Variants in CEP85L observed in about 807,000 individuals in gnomAD.
CEP85L encodes centrosomal protein 85L.
Under a neutral mutation model 100.3 loss-of-function variants are expected in CEP85L, and 60 were observed. The observed-to-expected ratio is 0.60, with a 90% confidence interval of 0.49 to 0.74. CEP85L has a LOEUF of 0.74. CEP85L is among the 30% of genes least tolerant of loss of function. CEP85L has a pLI of 0.00. For synonymous variants in CEP85L, 319 were observed against 322.7 expected (o/e 0.99, Z 0.12); for missense variants, 973 against 936.2 (o/e 1.04, Z -0.51).
chr6:118,547,975 C>T (rs1404264055), intron 3 of CEP85L, among the ~76,000 whole-genome samples: 1 of 152,050 alleles, frequency 6.6e-6, no homozygotes, highest in African/African-American at 2.4e-5. Flanking sequence ...CCTGCAGTAA[C>T]TATTTTAGCT....
chr6:118,462,220 T>C lies in CEP85L; in HGVS notation c.*3185A>G, dbSNP rs1048653736. 3.9e-5 allele frequency: 6 copies of C among 152,034 alleles called. No individual in the cohort carries two copies. Among genetic ancestry groups the C allele is most frequent in the African/African-American group, 1.2e-4 (5 of 41,444 alleles). 9.4% of individuals were successfully genotyped at this position (152,034 alleles called of 1,614,324 possible). ...AATAAATTTCACTAAAATATAATAC[T>C]GTTAGCATTAAATATTGAATCCTAG... On this transcript the variant is annotated 3_prime_UTR_variant, in exon 13 of 13. Coordinates refer to ENST00000368491, the MANE Select transcript of CEP85L (RefSeq NM_001042475.3).
chr6:118,668,981 G>T (rs1776214236), intron 1 of CEP85L, among the ~76,000 whole-genome samples: 1 of 152,176 alleles, frequency 6.6e-6, no homozygotes, highest in Non-Finnish European at 1.5e-5. Context: ...GAGCTGATTT[G>T]CAGAAGTAAA....
upstream of CEP85L, among the ~76,000 whole-genome samples, chr6:118,652,090 T>C (rs879890980): frequency 3.9e-5 from 6 of 152,164 alleles, no homozygotes; most frequent in Non-Finnish European, 7.3e-5. Flanking sequence ...CCTTTACTAA[T>C]TTAATGGGGG....
intron 2 of CEP85L, among the ~76,000 whole-genome samples, chr6:118,600,300 G>GTGGGTGGGTGTGTGTGTGT (rs1554228039): frequency 3.8e-5 from 2 of 52,236 alleles, no homozygotes; most frequent in African/African-American, 1.4e-4. Context: ...CCTTCCTGGG[G>GTGGGTGGGTGTGTGTGTGT]GTGTGTGTGT....
At chr6:118,651,621 G>A (rs563042272), upstream of CEP85L, 6 of 1,050,754 alleles carry the variant, frequency 5.7e-6, no homozygotes, top group Non-Finnish European at 4.6e-6. Flanking sequence ...AGCCAGAGCC[G>A]GGGCTGGGGC....
At position 118,465,354 on chromosome 6, in the gene CEP85L, C is replaced by G; in HGVS notation, c.*51G>C. Reference sequence around the variant, plus strand: ...GCAACCTTCCATTATGGCTCCATAACACAGCAGCATTTAAACAACAGGTCA... The same window carrying G: ...GCAACCTTCCATTATGGCTCCATAAGACAGCAGCATTTAAACAACAGGTCA... On this transcript the variant is annotated 3_prime_UTR_variant, in exon 13 of 13. Transcript: ENST00000368491. 26 of 1,563,846 alleles carry G rather than the reference C, an allele frequency of 1.7e-5. No individual in the cohort carries two copies. The highest frequency in any genetic ancestry group is 2.1e-5 in the Non-Finnish European group (24 of 1,146,700).
chr6:118,465,307 C>T lies in CEP85L; in HGVS notation c.*98G>A, dbSNP rs974928459. The stretch of plus-strand genomic sequence containing the variant: ...AAACAAATCCACAGAAAAAAAATCC[C>T]TAAGTGCAAGTCATGTCACTTGCAA... On this transcript the variant is annotated 3_prime_UTR_variant, in exon 13 of 13. Transcript: ENST00000368491. The T allele has an allele frequency of 5.3e-6, 6 of 1,139,318 alleles. No individual in the cohort carries two copies. Among genetic ancestry groups the T allele is most frequent in the Non-Finnish European group, 7.2e-6 (6 of 833,916 alleles). 70.6% of individuals were successfully genotyped at this position (1,139,318 alleles called of 1,614,324 possible). A position where few individuals can be genotyped will look rare whatever the true frequency, so the allele number is the denominator to read the frequency against.
At chr6:118,636,439 A>C (rs1774496258) in intron 1 of CEP85L, among the ~76,000 whole-genome samples, 1 of 143,492 alleles carries the variant, frequency 7.0e-6, no homozygotes, top group Admixed American at 6.7e-5. Flanking sequence ...AAATGATCTC[A>C]GTTTATCCAT....
At chr6:118,667,809 T>A (rs574356108) in intron 1 of CEP85L, among the ~76,000 whole-genome samples, 5 of 152,298 alleles carry the variant, frequency 3.3e-5, no homozygotes, top group Admixed American at 1.3e-4. Context: ...ACTGTGTGTC[T>A]GGAGAGCATG....
At chr6:118,592,982 G>T (rs1390482081) in intron 2 of CEP85L, among the ~76,000 whole-genome samples, 1 of 146,630 alleles carries the variant, frequency 6.8e-6, no homozygotes, top group Non-Finnish European at 1.5e-5. Context: ...AAAAGAAAAA[G>T]ATAGTGAGAA....
upstream of CEP85L, among the ~76,000 whole-genome samples, chr6:118,655,584 G>A (rs1325778333): frequency 2.0e-5 from 3 of 152,326 alleles, no homozygotes; most frequent in East Asian, 3.9e-4. Flanking sequence ...TAAATAGAAG[G>A]TTGGAAGTGT....
At chr6:118,568,746 G>T (rs894647061) in intron 2 of CEP85L, among the ~76,000 whole-genome samples, 2 of 152,130 alleles carry the variant, frequency 1.3e-5, no homozygotes, top group Non-Finnish European at 2.9e-5. Flanking sequence ...GACTATTCTG[G>T]TAATCAGGAG....
At chr6:118,613,218 A>G (rs943441019) in intron 2 of CEP85L, among the ~76,000 whole-genome samples, 4 of 152,054 alleles carry the variant, frequency 2.6e-5, no homozygotes, top group Admixed American at 2.6e-4. Flanking sequence ...TCTCGAAAAA[A>G]AGAAAGAAAA....
chr6:118,577,188 A>G (rs1583091416), intron 2 of CEP85L, among the ~76,000 whole-genome samples: 1 of 152,242 alleles, frequency 6.6e-6, no homozygotes, highest in East Asian at 1.9e-4. Context: ...TGGGAGTCTA[A>G]TGGGATGCAG....
intron 1 of CEP85L, among the ~76,000 whole-genome samples, chr6:118,683,958 C>T (rs1214859290): frequency 6.6e-6 from 1 of 152,082 alleles, no homozygotes; most frequent in East Asian, 1.9e-4. Flanking sequence ...ACTGACTTTT[C>T]TTTCAAAAAA....
chr6:118,470,770 G>A, intron 10 of CEP85L, 126 bp from the exon 11 acceptor site: 6 of 478,904 alleles, frequency 1.3e-5, no homozygotes, highest in Non-Finnish European at 2.2e-5. Flanking sequence ...CCCCTTGGAA[G>A]ATGAAGCCTT....
Position 118,565,604 on chromosome 6 carries a change from C to T in CEP85L, c.945G>A (p.Glu315=), listed in dbSNP as rs769165496. 6.2e-7 allele frequency: 1 copy of T among 1,614,158 alleles called. No homozygotes were observed. The highest frequency in any genetic ancestry group is 1.6e-4 in the Middle Eastern group (1 of 6,062). ...RTNPLEGRNT[E]DSYSLAPWQQ... is the part of the protein sequence containing the mutation. The stretch of plus-strand genomic sequence containing the variant: ...GCCAAGGAGCTAAACTGTAAGAATC[C>T]TCTGTATTTCTACCTTCCAAAGGAT... Residue 315 remains glutamate, a synonymous_variant, in exon 3 of 13, where the codon GAG becomes GAA. Coordinates refer to ENST00000368491, the MANE Select transcript of CEP85L (RefSeq NM_001042475.3).
intron 5 of CEP85L, chr6:118,501,531 C>A: frequency 6.1e-6 from 3 of 495,222 alleles, no homozygotes; most frequent in South Asian, 3.1e-5. Flanking sequence ...ATTAAACACC[C>A]AATGGATCTC....
chr6:118,614,906 A>AGATG (rs1159400893), intron 2 of CEP85L, among the ~76,000 whole-genome samples: 1 of 150,548 alleles, frequency 6.6e-6, no homozygotes, highest in African/African-American at 2.5e-5. Context: ...ATAGATAGAT[A>AGATG]GATTTTTTTA....
Sources: allele counts gnomAD v4.1 joint callset (sites outside exome capture counted in the v4.1 genomes callset), GRCh38; gene constraint gnomAD v4.1.1; transcripts MANE v1.5; gene names NCBI Gene and HGNC (gene_info 2026-07-23, HGNC 2026-07-21).